Variants in PSD3 observed in about 807,000 individuals in gnomAD.
The protein encoded by PSD3 is PH and SEC7 domain-containing protein 3.
A neutral mutation model predicts 105.5 loss-of-function variants in PSD3; 49 were observed. That is an observed-to-expected ratio of 0.46 (90% confidence interval 0.37 to 0.59). The LOEUF (loss-of-function observed/expected upper bound fraction) is 0.59. Ranked by LOEUF, PSD3 falls within the 20% of genes least tolerant of loss-of-function variation. The pLI is 0.00. For synonymous variants in PSD3, 557 were observed against 457.8 expected (o/e 1.22, Z -2.77); for missense variants, 1,561 against 1,263.8 (o/e 1.24, Z -3.57).
At chr8:18,633,704 T>C (rs1807058311) in intron 10 of PSD3, among the ~76,000 whole-genome samples, 2 of 152,138 alleles carry the variant, frequency 1.3e-5, no homozygotes, top group East Asian at 1.9e-4. Flanking sequence ...CTACTGTGAA[T>C]AGGGCTGCAA....
chr8:18,754,256 TG>T (rs1358492477), intron 9 of PSD3, among the ~76,000 whole-genome samples: 1 of 152,006 alleles, frequency 6.6e-6, no homozygotes, highest in Non-Finnish European at 1.5e-5. Context: ...TGGTGGCGGA[TG>T]CCTGTAATCC....
At chr8:18,647,986 G>A (rs1047443656) in intron 10 of PSD3, among the ~76,000 whole-genome samples, 16 of 152,272 alleles carry the variant, frequency 1.1e-4, no homozygotes, top group African/African-American at 3.6e-4. Context: ...GCAGATGCCA[G>A]CACCACGCTT....
intron 9 of PSD3, among the ~76,000 whole-genome samples, chr8:18,724,391 C>A (rs1187268480): frequency 6.6e-6 from 1 of 152,094 alleles, no homozygotes; most frequent in African/African-American, 2.4e-5. Flanking sequence ...GCAGGAGCAT[C>A]TCTTGTGGCC....
intron 11 of PSD3, among the ~76,000 whole-genome samples, chr8:18,618,519 ATTTTACTTAT>A (rs1262002534): frequency 1.6e-4 from 22 of 140,580 alleles, no homozygotes; most frequent in South Asian, 4.7e-4. Flanking sequence ...TATCTATCAT[ATTTTACTTAT>A]TAAACATTTT....
rs1817374469 is a variant in PSD3 at position 18,871,851 on chromosome 8, G to A, written c.1013C>T (p.Ser338Phe). The change falls in exon 3 of 16, where the codon TCC becomes TTC. Residue 338 changes from serine to phenylalanine, a missense_variant. Transcript: ENST00000327040. ...RTASPDSKESSKVPRHLISSA... is the reference protein window; with the variant it reads ...RTASPDSKESFKVPRHLISSA... Reference sequence around the variant, plus strand: ...TGAGATGAGATGGCGTGGCACTTTGGAAGACTCTTTGCTGTCAGGAGAGGC... The same window carrying A: ...TGAGATGAGATGGCGTGGCACTTTGAAAGACTCTTTGCTGTCAGGAGAGGC... 2 of 1,614,206 alleles carry A rather than the reference G, an allele frequency of 1.2e-6. No individual in the cohort carries two copies. Among genetic ancestry groups the A allele is most frequent in the Non-Finnish European group, 1.7e-6 (2 of 1,180,036 alleles).
At position 18,971,508 on chromosome 8, in the gene PSD3, T is replaced by C. The variant is rs568502850; in HGVS notation, c.22-35366A>G. On this transcript the variant is annotated intron_variant, in intron 1 of 15. Coordinates refer to ENST00000327040, the MANE Select transcript of PSD3 (RefSeq NM_015310.4). ...ATACCAGAATGGGTGGGGCTGATTG[T>C]GCTCAGATCACAGGCCCAATCTGAT... Among the ~76,000 whole-genome samples the C allele has an allele frequency of 1.2e-4, 19 of 152,274 alleles. No homozygotes were observed. The South Asian group carries it at 3.9e-3, about 32-fold the overall frequency.
At chr8:19,039,514 G>A (rs1586656651) in intron 1 of PSD3, among the ~76,000 whole-genome samples, 1 of 152,292 alleles carries the variant, frequency 6.6e-6, no homozygotes, top group South Asian at 2.1e-4. Context: ...GAACTCAGAA[G>A]ACATGGACTC....
intron 4 of PSD3, among the ~76,000 whole-genome samples, chr8:18,853,893 C>T (rs542772479): frequency 6.6e-6 from 1 of 152,276 alleles, no homozygotes; most frequent in Non-Finnish European, 1.5e-5. Context: ...ATTGTAGACC[C>T]TGTAATAAAT....
At chr8:18,865,286 ATTTTT>A (rs375872604) in intron 4 of PSD3, 19 of 14,122 alleles carry the variant, frequency 1.3e-3, no homozygotes, top group African/African-American at 4.7e-3. Flanking sequence ...ATATATATAT[ATTTTT>A]TTTTTTTTTT....
chr8:18,932,359 G>A (rs969221684), intron 2 of PSD3, among the ~76,000 whole-genome samples: 3 of 152,196 alleles, frequency 2.0e-5, no homozygotes, highest in Non-Finnish European at 4.4e-5. Flanking sequence ...ACAGCTGTGA[G>A]AAGTAATTAC....
At position 18,872,423 on chromosome 8, in the gene PSD3, G is replaced by T; in HGVS notation, c.441C>A (p.Ser147=). ...GTACCTTTGTAGCCTGTAATGTTCC[G>T]GAAATGATTCTGGCTTCTGTGGCTT... ...ALKATEARII[S]GTLQATKVLD... is the part of the protein sequence containing the mutation. Residue 147 remains serine, a synonymous_variant, in exon 3 of 16, where the codon TCC becomes TCA. Transcript: ENST00000327040. The T allele has an allele frequency of 6.2e-7, 1 of 1,614,122 alleles. No individual in the cohort carries two copies. Among genetic ancestry groups the T allele is most frequent in the Non-Finnish European group, 8.5e-7 (1 of 1,180,024 alleles).
intron 1 of PSD3, among the ~76,000 whole-genome samples, chr8:18,950,745 A>G (rs1823186045): frequency 6.6e-6 from 1 of 152,128 alleles, no homozygotes; most frequent in South Asian, 2.1e-4. Context: ...TATATACATA[A>G]TATAAAATTC....
chr8:18,670,300 AG>A (rs1799705647), intron 9 of PSD3, among the ~76,000 whole-genome samples: 1 of 152,196 alleles, frequency 6.6e-6, no homozygotes, highest in African/African-American at 2.4e-5. Context: ...TGGTGTGAGC[AG>A]GTCCCGAAGG....
At chr8:18,804,649 A>C in intron 5 of PSD3, 47 bp from the exon 6 acceptor site, 1 of 1,611,514 alleles carries the variant, frequency 6.2e-7, no homozygotes. Context: ...TAAACTATTT[A>C]AAACACACAC....
intron 9 of PSD3, among the ~76,000 whole-genome samples, chr8:18,737,637 A>T (rs984530960): frequency 6.6e-6 from 1 of 152,154 alleles, no homozygotes; most frequent in African/African-American, 2.4e-5. Context: ...CAAAAGGTCT[A>T]TGGCTTTATA....
chr8:18,672,111 A>AGCC (rs1320101197), intron 9 of PSD3, among the ~76,000 whole-genome samples: 1 of 152,208 alleles, frequency 6.6e-6, no homozygotes, highest in African/African-American at 2.4e-5. Flanking sequence ...CTTGTTGGTA[A>AGCC]GCCTTAAGTG....
At chr8:18,860,609 C>T (rs1816367838) in intron 4 of PSD3, among the ~76,000 whole-genome samples, 1 of 152,112 alleles carries the variant, frequency 6.6e-6, no homozygotes, top group African/African-American at 2.4e-5. Flanking sequence ...TGAGTTCAGG[C>T]AAATTTGTAT....
chr8:18,787,734 C>T (rs766466146), intron 8 of PSD3, among the ~76,000 whole-genome samples: 10 of 152,076 alleles, frequency 6.6e-5, no homozygotes, highest in Admixed American at 4.6e-4. Flanking sequence ...TGTTTGTGTT[C>T]GTTTAAAGAT....
Position 18,565,449 on chromosome 8 carries a change from C to T in PSD3, c.2784+7079G>A, listed in dbSNP as rs117848949. Reference sequence around the variant, plus strand: ...CAGCAGAGTTGTTCAGAAAGTACCACGCTGCACTGGCAATAATCAATTTTA... The same window carrying T: ...CAGCAGAGTTGTTCAGAAAGTACCATGCTGCACTGGCAATAATCAATTTTA... On this transcript the variant is annotated intron_variant, in intron 14 of 15. Transcript: ENST00000327040. Among the ~76,000 whole-genome samples the T allele has an allele frequency of 5.5e-3, 843 of 152,276 alleles. 12 individuals are homozygous for T. Among genetic ancestry groups the T allele is most frequent in the Admixed American group, 0.024 (365 of 15,294 alleles).
Sources: allele counts gnomAD v4.1 joint callset (sites outside exome capture counted in the v4.1 genomes callset), GRCh38; gene constraint gnomAD v4.1.1; transcripts MANE v1.5; gene names NCBI Gene and HGNC (gene_info 2026-07-23, HGNC 2026-07-21).